Variants in PACRGL observed in about 807,000 individuals in gnomAD.
PACRGL encodes parkin coregulated like.
Under a neutral mutation model 34.5 loss-of-function variants are expected in PACRGL, and 38 were observed. The ratio of observed to expected loss-of-function variants is 1.10; its 90% CI spans 0.85 to 1.44. The LOEUF is 1.44. Among genes scored for constraint, PACRGL ranks in the 40% most tolerant of loss-of-function variants. The probability of loss-of-function intolerance (pLI) is 0.00; values close to 1 mark genes in which losing one functional copy is unlikely to be tolerated. For synonymous variants in PACRGL, 128 were observed against 100.1 expected (o/e 1.28, Z -1.66); for missense variants, 305 against 281.4 (o/e 1.08, Z -0.60).
Position 20,712,816 on chromosome 4 carries a change from C to G in PACRGL, c.395C>G (p.Thr132Ser). The change falls in exon 6 of 9, where the codon ACT becomes AGT. Residue 132 changes from threonine (T) to serine (S), a missense_variant. Thr to Ser is a moderately conservative substitution (Grantham distance 58). Coordinates refer to ENST00000503585, the MANE Select transcript of PACRGL (RefSeq NM_001258345.3). ...EGLRETKHPYTFVSKEGFREL... is the reference protein window; with the variant it reads ...EGLRETKHPYSFVSKEGFREL... ...CTGAGAGAGACTAAGCATCCATACA[C>G]TTTTGTGTCAAAGGAGGGTTTTAGA... 1 of 1,594,094 alleles carries G rather than the reference C, an allele frequency of 6.3e-7. No individual in the cohort carries two copies. Among genetic ancestry groups the G allele is most frequent in the South Asian group, 1.1e-5 (1 of 87,198 alleles).
chr4:20,744,066 C>A (rs998025475), intron 8 of PACRGL, among the ~76,000 whole-genome samples: 13 of 152,122 alleles, frequency 8.5e-5, no homozygotes, highest in Non-Finnish European at 1.5e-4. Context: ...CAATGAGATA[C>A]CATCTCACAC....
chr4:20,702,657 GTGT>G (rs1732715331), intron 1 of PACRGL: 1 of 152,746 alleles, frequency 6.5e-6, no homozygotes, highest in Non-Finnish European at 1.4e-5. Flanking sequence ...ATAGAAACTT[GTGT>G]TGTTCCCCCT....
Position 20,709,741 on chromosome 4 carries a change from T to C in PACRGL, c.334T>C (p.Ser112Pro), listed in dbSNP as rs1292318762. 2 of 1,608,796 alleles carry C rather than the reference T, an allele frequency of 1.2e-6. No individual in the cohort carries two copies. Among genetic ancestry groups the C allele is most frequent in the South Asian group, 1.1e-5 (1 of 90,912 alleles). The change falls in exon 5 of 9, where the codon TCA (serine) becomes CCA (proline). Residue 112 changes from serine (S) to proline (P), a missense_variant. Transcript: ENST00000503585. ...LQWECPPESL[S>P]FDPLLITLAE... ...GTGGGAATGTCCTCCTGAAAGTCTT[T>C]CATTTGATCCACTTCTTATTACTTT...
At chr4:20,709,635 T>C (rs1262588265) in intron 4 of PACRGL, 48 bp from the exon 5 acceptor site, 3 of 1,224,032 alleles carry the variant, frequency 2.5e-6, no homozygotes, top group East Asian at 4.7e-5. Context: ...CCCTGCTTAA[T>C]ATAGAATTAT....
At position 20,710,282 on chromosome 4, in the gene PACRGL, T is replaced by TA. The variant is rs1194632257; in HGVS notation, c.366+517dup. On this transcript the variant is annotated intron_variant, in intron 5 of 8. Transcript: ENST00000503585. Reference sequence around the variant, plus strand: ...ATGGAGGTGGTTTTATAGACTATTTTAAAAAAAACTTTTGATAGCTTCCTT... The same window carrying TA: ...ATGGAGGTGGTTTTATAGACTATTTTAAAAAAAAACTTTTGATAGCTTCCTT... 5.9e-5 allele frequency among the ~76,000 whole-genome samples: 9 copies of TA among 151,790 alleles called. No individual in the cohort carries two copies. The East Asian group carries it at 1.6e-3, about 26-fold the overall frequency.
chr4:20,750,425 A>G (rs1753405587), intron 8 of PACRGL, among the ~76,000 whole-genome samples: 2 of 152,102 alleles, frequency 1.3e-5, no homozygotes, highest in South Asian at 2.1e-4. Context: ...TCCTAGTTGT[A>G]TGAAGTTGCA....
At chr4:20,743,224 C>T (rs980575312) in intron 8 of PACRGL, among the ~76,000 whole-genome samples, 10 of 152,116 alleles carry the variant, frequency 6.6e-5, no homozygotes, top group Non-Finnish European at 7.4e-5. Context: ...AGTGCCATCC[C>T]CATCAAGCTA....
intron 8 of PACRGL, among the ~76,000 whole-genome samples, chr4:20,737,848 C>A (rs2149287963): frequency 6.6e-6 from 1 of 152,340 alleles, no homozygotes; most frequent in East Asian, 1.9e-4. Context: ...GCACAACCAG[C>A]AGGCTGGGGA....
downstream of PACRGL, among the ~76,000 whole-genome samples, chr4:20,733,530 GAT>G (rs986541557): frequency 6.6e-6 from 1 of 152,050 alleles, no homozygotes; most frequent in Non-Finnish European, 1.5e-5. Context: ...AATTATAAAT[GAT>G]AGAGTAATTT....
At chr4:20,744,267 C>G (rs956916089) in intron 8 of PACRGL, among the ~76,000 whole-genome samples, 50 of 152,206 alleles carry the variant, frequency 3.3e-4, no homozygotes, top group African/African-American at 1.2e-3. Flanking sequence ...GGGTATACAC[C>G]CAAAGGATTA....
intron 8 of PACRGL, among the ~76,000 whole-genome samples, chr4:20,745,780 T>G (rs910301677): frequency 3.9e-5 from 6 of 152,184 alleles, no homozygotes; most frequent in Admixed American, 3.9e-4. Flanking sequence ...TGCTGGCCAC[T>G]ATGCTGGGGA....
chr4:20,757,719 A>G (rs999524689), downstream of PACRGL, among the ~76,000 whole-genome samples: 7 of 152,236 alleles, frequency 4.6e-5, no homozygotes, highest in African/African-American at 1.7e-4. Context: ...AAGACTATAC[A>G]CTTTGGAAAT....
At chr4:20,709,633 A>C (rs1736167898) in intron 4 of PACRGL, 50 bp from the exon 5 acceptor site, 1 of 1,202,704 alleles carries the variant, frequency 8.3e-7, no homozygotes, top group Non-Finnish European at 1.2e-6. Context: ...ATCCCTGCTT[A>C]ATATAGAATT....
At position 20,700,490 on chromosome 4, in the gene PACRGL, G is replaced by C. The variant is rs375195126; in HGVS notation, c.-314G>C. ...CAAACGCAGGCGCTCGGTGGCGGTA[G>C]CCGCGGTTGTTGGCCGACCGAGTGC... is the stretch of plus-strand genomic sequence containing the variant. On this transcript the variant is annotated 5_prime_UTR_variant, in exon 1 of 9. Transcript: ENST00000503585. 6 of 152,222 alleles carry C rather than the reference G, an allele frequency of 3.9e-5. No individual in the cohort carries two copies. Among genetic ancestry groups the C allele is most frequent in the East Asian group, 1.9e-4 (1 of 5,136 alleles). 9.4% of individuals were successfully genotyped at this position (152,222 alleles called of 1,614,324 possible).
chr4:20,746,297 T>G (rs1057509052), intron 8 of PACRGL, among the ~76,000 whole-genome samples: 3 of 151,718 alleles, frequency 2.0e-5, no homozygotes, highest in African/African-American at 7.3e-5. Flanking sequence ...TTGCATGTTC[T>G]CACTCATAGC....
chr4:20,748,558 TTTTATATATATATATATATATA>T lies in PACRGL; in HGVS notation c.*57-4005_*57-3984del, dbSNP rs1354099106. Among the ~76,000 whole-genome samples, 1,003 of 118,550 alleles carry T rather than the reference TTTTATATATATATATATATATA, an allele frequency of 8.5e-3. 23 individuals are homozygous for T. Among genetic ancestry groups the T allele is most frequent in the African/African-American group, 0.024 (772 of 32,188 alleles). 77.8% of individuals were successfully genotyped at this position (118,550 alleles called of 152,430 possible). A position where few individuals can be genotyped will look rare whatever the true frequency, so the allele number is the denominator to read the frequency against. On this transcript the variant is annotated intron_variant, in intron 8 of 8. Transcript: ENST00000507634. ...TCCAAAAATAAATGCACCTTCCAAA[TTTTATATATATATATATATATA>T]TATATATATATATATATATATATAT...
chr4:20,709,871 T>A, intron 5 of PACRGL, 98 bp downstream of exon 5: 1 of 970,764 alleles, frequency 1.0e-6, no homozygotes, highest in Non-Finnish European at 1.6e-6. Flanking sequence ...ATTCTATGCC[T>A]TTGAAAAACG....
chr4:20,730,784 G>T lies in PACRGL; in HGVS notation c.*3443G>T, dbSNP rs1319505292. Among the ~76,000 whole-genome samples the T allele has an allele frequency of 2.0e-5, 3 of 152,212 alleles. No homozygotes were observed. The highest frequency in any genetic ancestry group is 4.4e-5 in the Non-Finnish European group (3 of 68,040). ...TTCTTTAGAAATGAGTTAGGGGACA[G>T]ACTTTGGGCATTATTGGAGCACTTG... On this transcript the variant is annotated 3_prime_UTR_variant, in exon 9 of 9. Coordinates refer to ENST00000503585, the MANE Select transcript of PACRGL (RefSeq NM_001258345.3).
At chr4:20,740,527 G>C (rs1019956358) in intron 8 of PACRGL, among the ~76,000 whole-genome samples, 2 of 152,174 alleles carry the variant, frequency 1.3e-5, no homozygotes, top group African/African-American at 2.4e-5. Context: ...CAAATGCTGA[G>C]AGATTTTGTC....
Sources: allele counts gnomAD v4.1 joint callset (sites outside exome capture counted in the v4.1 genomes callset), GRCh38; gene constraint gnomAD v4.1.1; transcripts MANE v1.5; gene names NCBI Gene and HGNC (gene_info 2026-07-23, HGNC 2026-07-21).